PDGFD: variants seen among roughly 807,000 people sequenced by gnomAD.
The protein encoded by PDGFD is platelet-derived growth factor D.
A neutral mutation model predicts 44.7 loss-of-function variants in PDGFD; 30 were observed. The ratio of observed to expected loss-of-function variants is 0.67; its 90% CI spans 0.50 to 0.91. PDGFD has a LOEUF of 0.91. Ranked by LOEUF, PDGFD falls within the 40% of genes least tolerant of loss-of-function variation. The pLI, the probability that PDGFD is intolerant of heterozygous loss-of-function variation, is 0.00. For missense variants in PDGFD, 445 were observed against 457.8 expected, an observed-to-expected ratio of 0.97 and a Z score of 0.25; for synonymous variants, 173 against 168.4, an observed-to-expected ratio of 1.03 and a Z score of -0.21.
chr11:103,930,085 T>C (rs1425225561), intron 5 of PDGFD, among the ~76,000 whole-genome samples: 1 of 152,220 alleles, frequency 6.6e-6, no homozygotes, highest in Non-Finnish European at 1.5e-5. Flanking sequence ...TCTTTTTCTG[T>C]CATTCTGAAT....
chr11:103,913,932 C>T (rs1036635222), intron 6 of PDGFD, among the ~76,000 whole-genome samples: 1 of 151,854 alleles, frequency 6.6e-6, no homozygotes, highest in South Asian at 2.1e-4. Flanking sequence ...ACATATGTAG[C>T]CTGTATGGAC....
chr11:104,151,820 T>A (rs1180918599), intron 1 of PDGFD, among the ~76,000 whole-genome samples: 1 of 152,108 alleles, frequency 6.6e-6, no homozygotes, highest in Non-Finnish European at 1.5e-5. Context: ...AATATTGTGC[T>A]CAACAGCAAC....
At chr11:103,975,701 T>C (rs1259906335) in intron 3 of PDGFD, among the ~76,000 whole-genome samples, 1 of 152,164 alleles carries the variant, frequency 6.6e-6, no homozygotes, top group African/African-American at 2.4e-5. Flanking sequence ...CAGTTTCTTT[T>C]TTTCTGCATA....
At chr11:104,111,439 G>T (rs1051716501) in intron 1 of PDGFD, among the ~76,000 whole-genome samples, 1 of 151,588 alleles carries the variant, frequency 6.6e-6, no homozygotes, top group South Asian at 2.1e-4. Flanking sequence ...AATTTTTTCT[G>T]TAGGGACAGG....
chr11:103,985,004 T>C (rs1456977243), intron 3 of PDGFD, among the ~76,000 whole-genome samples: 1 of 139,546 alleles, frequency 7.2e-6, no homozygotes, highest in African/African-American at 2.7e-5. Flanking sequence ...TAATATGTTA[T>C]ATTTATGTAA....
intron 1 of PDGFD, among the ~76,000 whole-genome samples, chr11:104,046,814 C>G (rs1006769577): frequency 6.8e-6 from 1 of 146,626 alleles, no homozygotes; most frequent in Non-Finnish European, 1.5e-5. Context: ...CACAGGTATA[C>G]GCATGCTATG....
chr11:104,117,282 A>C (rs1245990686), intron 1 of PDGFD, among the ~76,000 whole-genome samples: 4 of 152,028 alleles, frequency 2.6e-5, no homozygotes. Context: ...ACAATACTGA[A>C]TGAAGAAAAG....
At chr11:103,969,399 G>A (rs1859067888) in intron 3 of PDGFD, among the ~76,000 whole-genome samples, 1 of 150,078 alleles carries the variant, frequency 6.7e-6, no homozygotes, top group African/African-American at 2.4e-5. Flanking sequence ...CTAAGTGTGT[G>A]ACAACTCAAG....
chr11:104,046,294 T>C (rs1233383297), intron 1 of PDGFD, among the ~76,000 whole-genome samples: 1 of 147,598 alleles, frequency 6.8e-6, no homozygotes, highest in Admixed American at 6.8e-5. Flanking sequence ...TTACTTCTGG[T>C]GCATCTCATC....
At chr11:104,130,324 G>A (rs1861903186) in intron 1 of PDGFD, among the ~76,000 whole-genome samples, 3 of 152,106 alleles carry the variant, frequency 2.0e-5, no homozygotes, top group South Asian at 4.2e-4. Flanking sequence ...TGGCCCCAAG[G>A]AAGAGCAGGG....
chr11:104,068,246 C>A (rs1860821740), intron 1 of PDGFD, among the ~76,000 whole-genome samples: 1 of 152,018 alleles, frequency 6.6e-6, no homozygotes, highest in Admixed American at 6.6e-5. Flanking sequence ...GGATTTGAAC[C>A]CAAATATGTC....
At chr11:104,021,370 C>T (rs1174206367) in intron 1 of PDGFD, among the ~76,000 whole-genome samples, 1 of 152,138 alleles carries the variant, frequency 6.6e-6, no homozygotes, top group Non-Finnish European at 1.5e-5. Flanking sequence ...CATTCTTTGT[C>T]ATGTGACTTT....
At chr11:104,059,864 T>C (rs1322962419) in intron 1 of PDGFD, among the ~76,000 whole-genome samples, 1 of 152,230 alleles carries the variant, frequency 6.6e-6, no homozygotes, top group Non-Finnish European at 1.5e-5. Flanking sequence ...TCCTAACCTC[T>C]AGCAAACTGG....
chr11:103,939,547 T>C (rs184218820), intron 5 of PDGFD, among the ~76,000 whole-genome samples: 350 of 152,230 alleles, frequency 2.3e-3, no homozygotes, highest in African/African-American at 8.0e-3. Context: ...TACCCTTTAT[T>C]TCCTTCTCCT....
At chr11:104,133,316 A>T (rs1439835186) in intron 1 of PDGFD, among the ~76,000 whole-genome samples, 1 of 152,204 alleles carries the variant, frequency 6.6e-6, no homozygotes, top group African/African-American at 2.4e-5. Flanking sequence ...ATTTTCATCA[A>T]GAAGAGTTTG....
At chr11:104,026,699 T>C (rs987811965) in intron 1 of PDGFD, among the ~76,000 whole-genome samples, 2 of 152,216 alleles carry the variant, frequency 1.3e-5, no homozygotes, top group Admixed American at 6.5e-5. Context: ...GGTTACAATG[T>C]CCAGTCCAAA....
rs577821898 is a variant in PDGFD, at chr11:104,133,634, C to G, written c.124+30170G>C. On this transcript the variant is annotated intron_variant, in intron 1 of 6. Coordinates refer to ENST00000393158, the MANE Select transcript of PDGFD (RefSeq NM_025208.5). ...TTATTGACATGTTTCACTGTGCCAT[C>G]CAATTTTTAATTCACAGCAACTAGT... Among the ~76,000 whole-genome samples, 32 of 152,266 alleles carry G rather than the reference C, an allele frequency of 2.1e-4. No individual in the cohort carries two copies. In the South Asian group the frequency reaches 6.6e-3, roughly 32 times the overall value.
At chr11:104,079,997 C>T (rs965356817) in intron 1 of PDGFD, among the ~76,000 whole-genome samples, 9 of 152,276 alleles carry the variant, frequency 5.9e-5, no homozygotes, top group South Asian at 2.1e-4. Context: ...ATGGTGCTGA[C>T]GGTATTATTG....
chr11:103,916,826 C>G (rs898782373), intron 6 of PDGFD, among the ~76,000 whole-genome samples: 1 of 152,168 alleles, frequency 6.6e-6, no homozygotes, highest in Admixed American at 6.5e-5. Flanking sequence ...TCTCAGCAAA[C>G]TAACACAAGA....
Sources: allele counts gnomAD v4.1 joint callset (sites outside exome capture counted in the v4.1 genomes callset), GRCh38; gene constraint gnomAD v4.1.1; transcripts MANE v1.5; gene names NCBI Gene and HGNC (gene_info 2026-07-23, HGNC 2026-07-21).